Variants in ZNF507 observed in about 807,000 individuals in gnomAD.
ZNF507 encodes zinc finger protein 507.
A neutral mutation model predicts 80.0 loss-of-function variants in ZNF507; 29 were observed. The ratio of observed to expected loss-of-function variants is 0.36; its 90% CI spans 0.27 to 0.49. The LOEUF (loss-of-function observed/expected upper bound fraction) is 0.49, where lower values mean the gene tolerates loss of function less well. Among genes scored for constraint, ZNF507 ranks in the 20% least tolerant of loss-of-function variants. The probability of loss-of-function intolerance (pLI) is 0.98; values close to 1 mark genes in which losing one functional copy is unlikely to be tolerated. For synonymous variants in ZNF507, 462 were observed against 422.5 expected, an observed-to-expected ratio of 1.09 and a Z score of -1.15; for missense variants, 1,081 against 1,152.2, an observed-to-expected ratio of 0.94 and a Z score of 0.90.
In ZNF507 at chr19:32,382,951, C is replaced by CT; in HGVS notation, c.2732dup (p.Cys912LeufsTer8). On this transcript the variant is annotated frameshift_variant, in exon 7 of 7. Coordinates refer to ENST00000355898, the MANE Select transcript of ZNF507 (RefSeq NM_001136156.2). LOFTEE classifies it high-confidence loss of function. ...CTAGCATGGAGTACTGCGTTTTACTCTTCTGCTGTTGTATTTGTGGTTTTG... is the reference window on the plus strand; with the variant it reads ...CTAGCATGGAGTACTGCGTTTTACTCTTTCTGCTGTTGTATTTGTGGTTTTG... 6.2e-7 allele frequency: 1 copy of CT among 1,614,142 alleles called. No individual in the cohort carries two copies. The highest frequency in any genetic ancestry group is 8.5e-7 in the Non-Finnish European group (1 of 1,180,024).
chr19:32,346,534 G>A (rs1967099706), intron 1 of ZNF507, among the ~76,000 whole-genome samples: 1 of 152,210 alleles, frequency 6.6e-6, no homozygotes, highest in Admixed American at 6.5e-5. Context: ...CTCTCACTCA[G>A]AGTATGGGTT....
intron 5 of ZNF507, among the ~76,000 whole-genome samples, chr19:32,366,157 C>G (rs149661751): frequency 6.6e-6 from 1 of 152,022 alleles, no homozygotes; most frequent in Non-Finnish European, 1.5e-5. Flanking sequence ...AAGGTCCAGC[C>G]GCTCTATTAA....
intron 5 of ZNF507, among the ~76,000 whole-genome samples, chr19:32,364,063 T>G (rs1967364776): frequency 6.6e-6 from 1 of 152,210 alleles, no homozygotes; most frequent in Non-Finnish European, 1.5e-5. Flanking sequence ...TAGGTGAGAT[T>G]ATATTTATGA....
chr19:32,380,556 G>A (rs890499572), intron 5 of ZNF507: 35 of 1,527,244 alleles, frequency 2.3e-5, no homozygotes, highest in Middle Eastern at 3.4e-4. Flanking sequence ...CTCCTATGCC[G>A]TTTGATTTTC....
intron 5 of ZNF507, among the ~76,000 whole-genome samples, chr19:32,379,916 T>C (rs1967602267): frequency 6.6e-6 from 1 of 152,208 alleles, no homozygotes; most frequent in Admixed American, 6.5e-5. Context: ...AGGATGATTC[T>C]TGTATGTGTT....
intron 5 of ZNF507, among the ~76,000 whole-genome samples, chr19:32,372,361 A>T (rs1967485662): frequency 6.6e-6 from 1 of 152,192 alleles, no homozygotes; most frequent in African/African-American, 2.4e-5. Flanking sequence ...AAATAAAGAG[A>T]GAGCGTTTGC....
intron 5 of ZNF507, among the ~76,000 whole-genome samples, chr19:32,366,546 T>TG (rs1488436342): frequency 3.3e-5 from 5 of 152,348 alleles, no homozygotes; most frequent in African/African-American, 1.2e-4. Flanking sequence ...CTAGCAGAAT[T>TG]GCATTTCATT....
At chr19:32,381,571 G>C (rs1250967818) in intron 5 of ZNF507, among the ~76,000 whole-genome samples, 1 of 152,070 alleles carries the variant, frequency 6.6e-6, no homozygotes, top group African/African-American at 2.4e-5. Context: ...GAGCAAGACT[G>C]CACTCCAGCC....
intron 5 of ZNF507, chr19:32,380,581 T>C (rs1198812031): frequency 3.9e-6 from 6 of 1,535,136 alleles, no homozygotes; most frequent in Non-Finnish European, 5.2e-6. Context: ...TGCCTCGTTA[T>C]TGCTGACTGT....
chr19:32,365,891 C>CT (rs1729583900), intron 5 of ZNF507, among the ~76,000 whole-genome samples: 1 of 152,202 alleles, frequency 6.6e-6, no homozygotes, highest in African/African-American at 2.4e-5. Context: ...TAAATGTTGA[C>CT]TGATAGTTGT....
At chr19:32,349,953 C>T (rs1967141088) in intron 2 of ZNF507, among the ~76,000 whole-genome samples, 1 of 152,208 alleles carries the variant, frequency 6.6e-6, no homozygotes, top group South Asian at 2.1e-4. Flanking sequence ...TTACACTGAT[C>T]TCTTGGAGGC....
At chr19:32,347,401 C>T (rs956112474) in intron 2 of ZNF507, 63 bp downstream of exon 2, 5 of 152,198 alleles carry the variant, frequency 3.3e-5, no homozygotes, top group African/African-American at 7.2e-5. Context: ...ACCCACCTAG[C>T]CTGTCCTAAA....
At chr19:32,370,258 A>C (rs1486894215) in intron 5 of ZNF507, among the ~76,000 whole-genome samples, 1 of 152,182 alleles carries the variant, frequency 6.6e-6, no homozygotes, top group African/African-American at 2.4e-5. Context: ...CATCTCCTAC[A>C]CAGAAGAGGG....
Position 32,386,858 on chromosome 19 carries a change from C to G in ZNF507, c.*3775C>G, listed in dbSNP as rs1967696723. The G allele has an allele frequency of 1.3e-5, 2 of 152,460 alleles. No individual in the cohort carries two copies. Among genetic ancestry groups the G allele is most frequent in the Non-Finnish European group, 2.9e-5 (2 of 68,004 alleles). 9.4% of individuals were successfully genotyped at this position (152,460 alleles called of 1,614,324 possible). ...AAATTTTTTGTTAAAAAAAACTTGG[C>G]TCCAAGTTCTATTAACCACAGGTTG... is the stretch of plus-strand genomic sequence containing the variant. On this transcript the variant is annotated 3_prime_UTR_variant, in exon 7 of 7. Transcript: ENST00000355898.
rs531141903 is a variant in ZNF507, at chr19:32,371,809, T to G, written c.2361-10658T>G. On this transcript the variant is annotated intron_variant, in intron 5 of 6. Transcript: ENST00000355898. ...CGCCCGCTACCATACCTGGCTAATT[T>G]TTTATATTTTTAGTAGAGACGGGGT... Among the ~76,000 whole-genome samples the G allele has an allele frequency of 3.3e-5, 5 of 151,838 alleles. No individual in the cohort carries two copies. The South Asian group carries it at 1.0e-3, about 32-fold the overall frequency.
At chr19:32,362,132 C>A (rs1967337566) in intron 5 of ZNF507, among the ~76,000 whole-genome samples, 1 of 152,156 alleles carries the variant, frequency 6.6e-6, no homozygotes, top group Non-Finnish European at 1.5e-5. Context: ...CAAGTGTCCG[C>A]CCACCTTGGC....
At chr19:32,370,715 T>C (rs1233319607) in intron 5 of ZNF507, among the ~76,000 whole-genome samples, 1 of 152,260 alleles carries the variant, frequency 6.6e-6, no homozygotes, top group Non-Finnish European at 1.5e-5. Flanking sequence ...TTTTCTTTGC[T>C]GTGCAGAAGT....
rs1599547137 is a variant in ZNF507 at position 32,354,454 on chromosome 19, A to G, written c.1624A>G (p.Lys542Glu). The change falls in exon 3 of 7, where the codon AAA becomes GAA. Residue 542 changes from lysine (K) to glutamate (E), a missense_variant. Physicochemically the swap from Lys to Glu is moderately conservative, Grantham distance 56. Transcript: ENST00000355898. ...AGATAGTACATTGGCAGCGTACTCA[A>G]AAATGATGTCGCCACTTAAAAACTC... ...QVDSTLAAYS[K>E]MMSPLKNSSD... 6.2e-7 allele frequency: 1 copy of G among 1,614,198 alleles called. No individual in the cohort carries two copies. The highest frequency in any genetic ancestry group is 8.5e-7 in the Non-Finnish European group (1 of 1,180,036).
Position 32,383,053 on chromosome 19 carries a change from G to A in ZNF507, c.2832G>A (p.Lys944=). 2 of 1,613,982 alleles carry A rather than the reference G, an allele frequency of 1.2e-6. No homozygotes were observed. Among genetic ancestry groups the A allele is most frequent in the South Asian group, 1.1e-5 (1 of 91,068 alleles). ...EGEIVNIILN[K]DHNTALNTN is the part of the protein sequence containing the mutation. ...AAATTGTAAACATCATCCTGAATAA[G>A]GACCACAATACAGCTCTAAACACAA... Residue 944 remains lysine (K), a synonymous_variant, in exon 7 of 7, where the codon AAG becomes AAA. Coordinates refer to ENST00000355898, the MANE Select transcript of ZNF507 (RefSeq NM_001136156.2).
Sources: allele counts gnomAD v4.1 joint callset (sites outside exome capture counted in the v4.1 genomes callset), GRCh38; gene constraint gnomAD v4.1.1; transcripts MANE v1.5; gene names NCBI Gene and HGNC (gene_info 2026-07-23, HGNC 2026-07-21).